The following RPTOR variants were observed in gnomAD, a reference collection of about 807,000 sequenced individuals.
RPTOR encodes regulatory associated protein of MTOR complex 1.
In RPTOR, 21 loss-of-function variants were observed where a neutral mutation model predicts 169.9. The observed-to-expected ratio is 0.12, with a 90% confidence interval of 0.09 to 0.18. The LOEUF (loss-of-function observed/expected upper bound fraction) is 0.18. Ranked by LOEUF, RPTOR falls within the 10% of genes least tolerant of loss-of-function variation. The pLI is 1.00. For synonymous variants in RPTOR, 732 were observed against 753.2 expected, an observed-to-expected ratio of 0.97 and a Z score of 0.46; for missense variants, 1,133 against 1,855.9, an observed-to-expected ratio of 0.61 and a Z score of 7.16.
intron 1 of RPTOR, among the ~76,000 whole-genome samples, chr17:80,610,284 C>G (rs779415154): frequency 6.6e-6 from 1 of 152,124 alleles, no homozygotes; most frequent in Non-Finnish European, 1.5e-5. Context: ...CTGGTACATG[C>G]AGCAAAAGCT....
chr17:80,949,409 C>T, intron 27 of RPTOR, 34 bp from the exon 28 acceptor site: 4 of 1,558,450 alleles, frequency 2.6e-6, no homozygotes, highest in East Asian at 2.2e-5. Flanking sequence ...CATCGAGGGG[C>T]CTGGTTCACA....
chr17:80,931,793 TA>T (rs1281681267), intron 24 of RPTOR, among the ~76,000 whole-genome samples: 2 of 152,150 alleles, frequency 1.3e-5, no homozygotes, highest in African/African-American at 4.8e-5. Flanking sequence ...GAGTCTGGGC[TA>T]GAGCAACAGA....
intron 10 of RPTOR, among the ~76,000 whole-genome samples, chr17:80,842,896 C>T (rs1357286082): frequency 6.6e-6 from 1 of 152,192 alleles, no homozygotes; most frequent in African/African-American, 2.4e-5. Context: ...CCTCTGTTCC[C>T]TCCTTTGCAC....
intron 6 of RPTOR, among the ~76,000 whole-genome samples, chr17:80,786,160 C>T (rs1041297530): frequency 6.6e-6 from 1 of 152,286 alleles, no homozygotes. Flanking sequence ...CGCACTTTTG[C>T]GTGACACATG....
rs1296499806 is a variant in RPTOR, at chr17:80,803,921, C to T, written c.890+12412C>T. 6.6e-6 allele frequency among the ~76,000 whole-genome samples: 1 copy of T among 152,210 alleles called. No homozygotes were observed. Among genetic ancestry groups the T allele is most frequent in the Non-Finnish European group, 1.5e-5 (1 of 68,040 alleles). On this transcript the variant is annotated intron_variant, in intron 7 of 33. Coordinates refer to ENST00000306801, the MANE Select transcript of RPTOR (RefSeq NM_020761.3). This position sits in a 1 kb window ranked among gnomAD's most constrained non-coding sequence, Gnocchi z 6.2. ...GCAGCCATGCCGGGACCAGGGGCAG[C>T]GTTCCAGACGGGGAGCCCCACAGCC...
rs996393024 is a variant in RPTOR at position 80,845,448 on chromosome 17, G to C, written c.1213-1025G>C. ...TTCACTGAGGAAACAAGAAGCAGTC[G>C]CATGACCGCCTCTGCCGGGTCCTCC... On this transcript the variant is annotated intron_variant, in intron 10 of 33. Coordinates refer to ENST00000306801, the MANE Select transcript of RPTOR (RefSeq NM_020761.3). This position sits in a 1 kb window ranked among gnomAD's most constrained non-coding sequence, Gnocchi z 5.4. Among the ~76,000 whole-genome samples the C allele has an allele frequency of 6.6e-6, 1 of 151,964 alleles. No individual in the cohort carries two copies. The highest frequency in any genetic ancestry group is 1.9e-4 in the East Asian group (1 of 5,184).
intron 1 of RPTOR, among the ~76,000 whole-genome samples, chr17:80,618,479 C>T (rs745489785): frequency 6.6e-6 from 1 of 152,152 alleles, no homozygotes; most frequent in Non-Finnish European, 1.5e-5. Context: ...GTGCAGTTTG[C>T]GTGGTGCAGG....
chr17:80,673,699 A>T (rs577195601), intron 3 of RPTOR, among the ~76,000 whole-genome samples: 1 of 152,230 alleles, frequency 6.6e-6, no homozygotes, highest in East Asian at 1.9e-4. Context: ...TTCCTGTTTC[A>T]ATTCTTCAAA....
intron 13 of RPTOR, 27 bp from the exon 14 acceptor site, chr17:80,880,388 G>T: frequency 6.2e-7 from 1 of 1,607,886 alleles, no homozygotes; most frequent in Non-Finnish European, 8.5e-7. Context: ...TGCACTCACT[G>T]CCTCTCCTCT....
intron 5 of RPTOR, among the ~76,000 whole-genome samples, chr17:80,737,516 G>A (rs1200644738): frequency 6.6e-6 from 1 of 152,174 alleles, no homozygotes; most frequent in Non-Finnish European, 1.5e-5. Flanking sequence ...CTGTCCTGAT[G>A]GCAGGTCTTC....
rs547279772 is a variant in RPTOR at position 80,608,312 on chromosome 17, T to C, written c.163-17379T>C. Among the ~76,000 whole-genome samples the C allele has an allele frequency of 5.9e-5, 9 of 152,366 alleles. No homozygotes were observed. The East Asian group carries it at 1.7e-3, about 29-fold the overall frequency. On this transcript the variant is annotated intron_variant, in intron 1 of 33. Coordinates refer to ENST00000306801, the MANE Select transcript of RPTOR (RefSeq NM_020761.3). ...CTTAGGAGAAAAGTAATATTCTATA[T>C]GCATTATTCTGCAATTTTCTTTTTT...
At chr17:80,809,883 A>G (rs1482287449) in intron 7 of RPTOR, among the ~76,000 whole-genome samples, 1 of 152,064 alleles carries the variant, frequency 6.6e-6, no homozygotes, top group Non-Finnish European at 1.5e-5. Flanking sequence ...ATAAAAATAC[A>G]AAAATTAGCT....
chr17:80,560,656 G>A (rs1293562579), intron 1 of RPTOR, among the ~76,000 whole-genome samples: 1 of 152,146 alleles, frequency 6.6e-6, no homozygotes. Context: ...TCAGGGAAAC[G>A]CCACTGGGGG....
At chr17:80,559,391 G>C (rs185893333) in intron 1 of RPTOR, among the ~76,000 whole-genome samples, 1 of 152,132 alleles carries the variant, frequency 6.6e-6, no homozygotes, top group Non-Finnish European at 1.5e-5. Context: ...TTGGGAGCAC[G>C]TCCTGACTTT....
chr17:80,582,364 G>C (rs546848979), intron 1 of RPTOR, among the ~76,000 whole-genome samples: 5 of 152,252 alleles, frequency 3.3e-5, no homozygotes, highest in Non-Finnish European at 7.4e-5. Context: ...CTGTTGCCAA[G>C]TCCCTGAGTG....
chr17:80,574,985 T>C (rs941610843), intron 1 of RPTOR, among the ~76,000 whole-genome samples: 3 of 144,770 alleles, frequency 2.1e-5, no homozygotes, highest in Non-Finnish European at 3.0e-5. Context: ...TTTTATATCT[T>C]ATTATTTCCT....
intron 7 of RPTOR, chr17:80,802,545 G>A (rs1238739248): frequency 1.3e-5 from 2 of 152,404 alleles, no homozygotes; most frequent in East Asian, 3.9e-4. Context: ...AGTGAGCTGA[G>A]GTCATGCTAC....
chr17:80,549,966 A>G (rs1236976874), intron 1 of RPTOR, among the ~76,000 whole-genome samples: 3 of 152,344 alleles, frequency 2.0e-5, no homozygotes, highest in Admixed American at 1.3e-4. Context: ...TTTGTAAACC[A>G]TTCTCTAGAC....
intron 4 of RPTOR, among the ~76,000 whole-genome samples, chr17:80,729,108 G>A (rs2143197509): frequency 6.6e-6 from 1 of 152,336 alleles, no homozygotes; most frequent in Middle Eastern, 3.4e-3. Flanking sequence ...TGTCTGAAAT[G>A]TAACTTTTGT....
Sources: allele counts gnomAD v4.1 joint callset (sites outside exome capture counted in the v4.1 genomes callset), GRCh38; gene constraint gnomAD v4.1.1; non-coding constraint Gnocchi (gnomAD v3.1); transcripts MANE v1.5; gene names NCBI Gene and HGNC (gene_info 2026-07-23, HGNC 2026-07-21).